FBN2: variants seen among roughly 807,000 people sequenced by gnomAD.
The protein encoded by FBN2 is fibrillin 2, also known as fibrillin-2.
Under a neutral mutation model 355.6 loss-of-function variants are expected in FBN2, and 105 were observed. That is an observed-to-expected ratio of 0.30 (90% CI 0.25 to 0.35). The LOEUF (loss-of-function observed/expected upper bound fraction) is 0.35. FBN2 is among the 10% of genes least tolerant of loss of function. FBN2 has a pLI of 1.00. For synonymous variants in FBN2, 1,350 were observed against 1,301.2 expected (o/e 1.04, Z -0.81); for missense variants, 3,280 against 3,758.7 (o/e 0.87, Z 3.33).
At position 128,328,596 on chromosome 5, in the gene FBN2, T is replaced by G. The variant is rs778476214; in HGVS notation, c.4471+100A>C. On this transcript the variant is annotated intron_variant, in intron 34 of 64. Transcript: ENST00000262464. ...GACTTTTATAGTGCAGCATGTGCTA[T>G]GTATTCTGCTTCCAGGTGGAGCTTG... 4.1e-6 allele frequency: 5 copies of G among 1,219,854 alleles called. No individual in the cohort carries two copies. In the Admixed American group the frequency reaches 9.2e-5, roughly 22 times the overall value. The allele number at this position is 1,219,854 out of a possible 1,614,324, so 75.6% of individuals were successfully genotyped here.
chr5:128,309,405 T>C lies in FBN2; in HGVS notation c.5201-6A>G, dbSNP rs879942478. 8.1e-6 allele frequency: 13 copies of C among 1,613,152 alleles called. No homozygotes were observed. Among genetic ancestry groups the C allele is most frequent in the African/African-American group, 1.3e-5 (1 of 74,900 alleles). ...GCAAAAGCTTTTTCTCATGTCTATA[T>C]AAAGAAAAACAAAGAAACTAGCCAT... On this transcript the variant is annotated splice_polypyrimidine_tract_variant and splice_region_variant and intron_variant, in intron 40 of 64. Transcript: ENST00000262464.
intron 7 of FBN2, among the ~76,000 whole-genome samples, chr5:128,410,600 G>A (rs926506981): frequency 3.9e-5 from 6 of 152,060 alleles, no homozygotes; most frequent in Admixed American, 6.6e-5. Context: ...TAGGCATTTC[G>A]TTTCATAATA....
In FBN2 at chr5:128,332,988, G is replaced by A; in HGVS notation, c.4146C>T (p.Ala1382=). ...EIGAHNCDMH[A]SCLNIPGSFK... is the part of the protein sequence containing the mutation. Reference sequence around the variant, plus strand: ...AGCTTCCTGGGATATTCAGACATGAGGCATGCATGTCGCAGTTATGAGCAC... The same window carrying A: ...AGCTTCCTGGGATATTCAGACATGAAGCATGCATGTCGCAGTTATGAGCAC... Residue 1382 remains alanine (A), a synonymous_variant, in exon 32 of 65, where the codon GCC becomes GCT. Coordinates refer to ENST00000262464, the MANE Select transcript of FBN2 (RefSeq NM_001999.4). 2 of 1,609,942 alleles carry A rather than the reference G, an allele frequency of 1.2e-6. No individual in the cohort carries two copies. Among genetic ancestry groups the A allele is most frequent in the Non-Finnish European group, 1.7e-6 (2 of 1,176,260 alleles).
chr5:128,338,072 C>A lies in FBN2; in HGVS notation c.3523G>T (p.Val1175Leu). 15 of 1,614,088 alleles carry A rather than the reference C, an allele frequency of 9.3e-6. No homozygotes were observed. Among genetic ancestry groups the A allele is most frequent in the Non-Finnish European group, 1.3e-5 (15 of 1,179,922 alleles). The change falls in exon 27 of 65, where the codon GTG becomes TTG. Residue 1175 changes from valine to leucine, a missense_variant. Around this residue, in one of 6 missense-constraint regions of FBN2, gnomAD observed 2,284 missense variants for 2,749.5 expected, o/e 0.83. Coordinates refer to ENST00000262464, the MANE Select transcript of FBN2 (RefSeq NM_001999.4). The stretch of plus-strand genomic sequence containing the variant: ...CACTGAAAGCTGCCCTCAGTGTTCA[C>A]ACAGGTGCCACCCCTACAAAGGAGA... ...NPLLCRGGTC[V>L]NTEGSFQCDC...
rs1412394862 is a variant in FBN2, at chr5:128,465,036, CAGA to C, written c.629-118_629-116del. 3.0e-6 allele frequency: 3 copies of C among 1,013,028 alleles called. No homozygotes were observed. The African/African-American group carries it at 4.7e-5, about 16-fold the overall frequency. The allele number at this position is 1,013,028 out of a possible 1,614,324, so 62.8% of individuals were successfully genotyped here. The stretch of plus-strand genomic sequence containing the variant: ...TTCTTCTGACCAAAGTGTCCAAAGA[CAGA>C]AGGCTAGAGAGTTTCATGTTAAAAA... On this transcript the variant is annotated intron_variant, in intron 5 of 64. Coordinates refer to ENST00000262464, the MANE Select transcript of FBN2 (RefSeq NM_001999.4).
chr5:128,339,832 C>T (rs974183342), intron 25 of FBN2, among the ~76,000 whole-genome samples: 9 of 152,246 alleles, frequency 5.9e-5, no homozygotes, highest in South Asian at 2.1e-4. Flanking sequence ...CAGGCAGCCA[C>T]GACGGACCAA....
chr5:128,465,029 C>G (rs1754671464), intron 5 of FBN2, 108 bp from the exon 6 acceptor site: 9 of 1,077,182 alleles, frequency 8.4e-6, no homozygotes, highest in Non-Finnish European at 1.3e-5. Context: ...ACCAAAGTGT[C>G]CAAAGACAGA....
intron 11 of FBN2, among the ~76,000 whole-genome samples, chr5:128,385,228 T>C (rs1303966845): frequency 6.6e-6 from 1 of 152,108 alleles, no homozygotes; most frequent in Non-Finnish European, 1.5e-5. Flanking sequence ...CACTCTCAAG[T>C]AGGCCCTAGT....
At chr5:128,530,496 T>C in intron 3 of FBN2, 99 bp downstream of exon 3, 1 of 781,882 alleles carries the variant, frequency 1.3e-6, no homozygotes, top group South Asian at 1.4e-5. Context: ...TTAACTAAAG[T>C]AATAACAGTT....
intron 50 of FBN2, 28 bp downstream of exon 50, chr5:128,290,704 T>C: frequency 6.2e-7 from 1 of 1,612,152 alleles, no homozygotes; most frequent in South Asian, 1.1e-5. Flanking sequence ...GTACACAAAG[T>C]GCTGTCTGAT....
chr5:128,344,396 C>A lies in FBN2; in HGVS notation c.3332G>T (p.Arg1111Ile). ...NSGFALDMEE[R>I]NCTDIDECRI... ...CAGAACCATCTTACCCGTGCAGTTT[C>A]TTTCCTCCATGTCTAGAGCAAAGCC... The change falls in exon 25 of 65, where the codon AGA becomes ATA. Residue 1111 changes from arginine to isoleucine, a missense_variant. Around this residue, in one of 6 missense-constraint regions of FBN2, gnomAD observed 2,284 missense variants for 2,749.5 expected, o/e 0.83. Coordinates refer to ENST00000262464, the MANE Select transcript of FBN2 (RefSeq NM_001999.4). The A allele has an allele frequency of 6.2e-7, 1 of 1,614,140 alleles. No homozygotes were observed. The highest frequency in any genetic ancestry group is 2.2e-5 in the East Asian group (1 of 44,870).
At chr5:128,507,778 A>T (rs1756005189) in intron 5 of FBN2, among the ~76,000 whole-genome samples, 3 of 152,074 alleles carry the variant, frequency 2.0e-5, no homozygotes, top group Admixed American at 1.3e-4. Context: ...AGTGTTCTAT[A>T]AATATTAAAT....
At chr5:128,470,280 T>C (rs1754824007) in intron 5 of FBN2, among the ~76,000 whole-genome samples, 1 of 152,156 alleles carries the variant, frequency 6.6e-6, no homozygotes, top group Non-Finnish European at 1.5e-5. Flanking sequence ...TGCAGGTGAT[T>C]GGTGATCTTA....
intron 54 of FBN2, 80 bp from the exon 55 acceptor site, chr5:128,286,929 G>T: frequency 2.3e-6 from 3 of 1,327,808 alleles, no homozygotes; most frequent in South Asian, 1.2e-5. Context: ...GTGGTCTTCT[G>T]ACACTTAACA....
intron 31 of FBN2, among the ~76,000 whole-genome samples, chr5:128,333,356 C>T (rs2126892708): frequency 6.6e-6 from 1 of 151,980 alleles, no homozygotes; most frequent in Middle Eastern, 3.4e-3. Context: ...AGACACAACA[C>T]CATAAAGAGG....
rs144762546 is a variant in FBN2, at chr5:128,275,096, C to T, written c.7595-413G>A. Among the ~76,000 whole-genome samples the T allele has an allele frequency of 9.9e-4, 151 of 152,208 alleles. 1 individual carries two copies. Among genetic ancestry groups the T allele is most frequent in the Non-Finnish European group, 5.9e-5 (4 of 68,006 alleles). ...ACTGATGAAGGTCCGAACAGAAACA[C>T]TAAGAGTCTCCACATTCAGATGAAA... is the stretch of plus-strand genomic sequence containing the variant. On this transcript the variant is annotated intron_variant, in intron 59 of 64. Transcript: ENST00000262464.
chr5:128,345,696 T>C (rs1007899411), intron 23 of FBN2, 112 bp from the exon 24 acceptor site: 16 of 954,798 alleles, frequency 1.7e-5, no homozygotes, highest in Non-Finnish European at 2.5e-5. Context: ...TGCGGTGTAC[T>C]GGTGGGCAAG....
chr5:128,289,822 A>G, intron 51 of FBN2, 60 bp downstream of exon 51: 1 of 966,990 alleles, frequency 1.0e-6, no homozygotes, highest in East Asian at 2.6e-5. Context: ...TATAAAATAA[A>G]TGTAAAATAA....
chr5:128,294,286 C>T (rs1056556402), intron 48 of FBN2, among the ~76,000 whole-genome samples: 25 of 151,670 alleles, frequency 1.6e-4, no homozygotes, highest in African/African-American at 3.9e-4. Context: ...TGAATAATGC[C>T]GCAATAAACA....
Sources: gnomAD v4.1 joint callset for allele counts (sites outside exome capture counted in the v4.1 genomes callset) on GRCh38, gnomAD v4.1.1 for gene constraint, gnomAD v4.1.1 regional missense constraint, MANE v1.5 for transcripts, NCBI Gene and HGNC (gene_info 2026-07-23, HGNC 2026-07-21) for gene names.